The following PPP1R15B variants were observed in gnomAD, a reference collection of about 807,000 sequenced individuals.
PPP1R15B encodes protein phosphatase 1, regulatory (inhibitor) subunit 15B.
In PPP1R15B, 31 loss-of-function variants were observed where a neutral mutation model predicts 53.9. The ratio of observed to expected loss-of-function variants is 0.58; its 90% CI spans 0.43 to 0.78. The LOEUF (loss-of-function observed/expected upper bound fraction) is 0.78, where lower values mean the gene tolerates loss of function less well. Among genes scored for constraint, PPP1R15B ranks in the 30% least tolerant of loss-of-function variants. The pLI is 0.00. For synonymous variants in PPP1R15B, 345 were observed against 329.1 expected (o/e 1.05, Z -0.52); for missense variants, 928 against 849.6 (o/e 1.09, Z -1.15).
chr1:204,396,785 CAAG>C (rs780627259), downstream of PPP1R15B, among the ~76,000 whole-genome samples: 14 of 152,162 alleles, frequency 9.2e-5, no homozygotes, highest in South Asian at 2.9e-3. Flanking sequence ...TAATAAAAAA[CAAG>C]AAGTGGGTTG....
chr1:204,409,442 TATAA>T, intron 1 of PPP1R15B, 46 bp downstream of exon 1: 1 of 1,541,392 alleles, frequency 6.5e-7, no homozygotes, highest in Non-Finnish European at 8.7e-7. Context: ...TATTTAAGCA[TATAA>T]AAACAGTCAG....
At position 204,405,777 on chromosome 1, in the gene PPP1R15B, T is replaced by C; in HGVS notation, c.*315A>G. On this transcript the variant is annotated 3_prime_UTR_variant, in exon 2 of 2. Coordinates refer to ENST00000367188, the MANE Select transcript of PPP1R15B (RefSeq NM_032833.5). ...AATATTGTTTTCCAAGAAAATAAGT[T>C]TTGAAAGTGCAAAATGACAACTCAA... is the stretch of plus-strand genomic sequence containing the variant. 2 of 1,052,896 alleles carry C rather than the reference T, an allele frequency of 1.9e-6. No individual in the cohort carries two copies. Among genetic ancestry groups the C allele is most frequent in the South Asian group, 7.5e-5 (2 of 26,500 alleles). The allele number at this position is 1,052,896 out of a possible 1,614,324, so 65.2% of individuals were successfully genotyped here.
At chr1:204,399,897 G>C (rs566771913), downstream of PPP1R15B, among the ~76,000 whole-genome samples, 1 of 152,226 alleles carries the variant, frequency 6.6e-6, no homozygotes, top group Non-Finnish European at 1.5e-5. Context: ...ATCCAGATAA[G>C]TCTTTTTCAA....
chr1:204,395,980 C>T (rs1674096722), downstream of PPP1R15B, among the ~76,000 whole-genome samples: 1 of 151,884 alleles, frequency 6.6e-6, no homozygotes, highest in African/African-American at 2.4e-5. Flanking sequence ...AACAAGCCAA[C>T]TGTTTATTAT....
In PPP1R15B at chr1:204,403,895, TAATC is replaced by T. The variant is rs1380721300; in HGVS notation, c.*2193_*2196del. 1.9e-5 allele frequency: 19 copies of T among 985,550 alleles called. No homozygotes were observed. The highest frequency in any genetic ancestry group is 2.2e-5 in the Non-Finnish European group (18 of 829,896). 61.1% of individuals were successfully genotyped at this position (985,550 alleles called of 1,614,324 possible). A position where few individuals can be genotyped will look rare whatever the true frequency, so the allele number is the denominator to read the frequency against. On this transcript the variant is annotated 3_prime_UTR_variant, in exon 2 of 2. Coordinates refer to ENST00000367188, the MANE Select transcript of PPP1R15B (RefSeq NM_032833.5). ...GGAGGCTAGTATATGGAAGAACTCT[TAATC>T]AAGCTTTCACTCATTTGGTAGTGAG... is the stretch of plus-strand genomic sequence containing the variant.
downstream of PPP1R15B, among the ~76,000 whole-genome samples, chr1:204,396,056 G>T (rs1006012515): frequency 2.6e-5 from 4 of 151,946 alleles, no homozygotes; most frequent in African/African-American, 9.7e-5. Flanking sequence ...AAAAGGAATG[G>T]ACTACTGATA....
chr1:204,406,291 G>GT lies in PPP1R15B; in HGVS notation c.1942dup (p.Thr648AsnfsTer2). The GT allele has an allele frequency of 6.2e-7, 1 of 1,613,804 alleles. No homozygotes were observed. Among genetic ancestry groups the GT allele is most frequent in the Non-Finnish European group, 8.5e-7 (1 of 1,179,834 alleles). Reference sequence around the variant, plus strand: ...CTCATCACCACTTATATAATACTCAGTAACTTCTTCAAGGAAGGTTACCTA... The same window carrying GT: ...CTCATCACCACTTATATAATACTCAGTTAACTTCTTCAAGGAAGGTTACCTA... On this transcript the variant is annotated frameshift_variant, in exon 2 of 2. Transcript: ENST00000367188. LOFTEE classifies it high-confidence loss of function.
chr1:204,396,130 C>T (rs1030229468), downstream of PPP1R15B, among the ~76,000 whole-genome samples: 1 of 152,046 alleles, frequency 6.6e-6, no homozygotes, highest in South Asian at 2.1e-4. Flanking sequence ...AAAAGCATTA[C>T]AGTAAAGAAG....
In PPP1R15B at chr1:204,410,298, C is replaced by T. The variant is rs1420354174; in HGVS notation, c.1114G>A (p.Val372Ile). 3 of 1,614,002 alleles carry T rather than the reference C, an allele frequency of 1.9e-6. No individual in the cohort carries two copies. In the East Asian group the frequency reaches 6.7e-5, roughly 36 times the overall value. The change falls in exon 1 of 2, where the codon GTT becomes ATT. Residue 372 changes from valine (V) to isoleucine (I), a missense_variant. Transcript: ENST00000367188. ...CTCTCTTCTTCCAAAGCAAGTGGAA[C>T]CTCTGTAGTTAATAATTCTATTTTT... ...EEKIELLTTE[V>I]PLALEEESPS...
chr1:204,404,697 A>G lies in PPP1R15B; in HGVS notation c.*1395T>C, dbSNP rs1026711827. On this transcript the variant is annotated 3_prime_UTR_variant, in exon 2 of 2. Coordinates refer to ENST00000367188, the MANE Select transcript of PPP1R15B (RefSeq NM_032833.5). ...CACTTCTGATGAAAAATTCATCCCC[A>G]CACTTAAATAAGTTCAAAACTAAGA... 1.9e-5 allele frequency: 19 copies of G among 985,776 alleles called. No homozygotes were observed. The highest frequency in any genetic ancestry group is 1.8e-5 in the Non-Finnish European group (15 of 829,890). The allele number at this position is 985,776 out of a possible 1,614,324, so 61.1% of individuals were successfully genotyped here.
downstream of PPP1R15B, among the ~76,000 whole-genome samples, chr1:204,402,148 C>T (rs905031142): frequency 1.8e-4 from 28 of 152,224 alleles, no homozygotes; most frequent in African/African-American, 6.5e-4. Flanking sequence ...CCGGGGATGT[C>T]AACTCAGTTT....
At chr1:204,406,358 A>G (rs367582271) in intron 1 of PPP1R15B, 45 bp from the exon 2 acceptor site, 3 of 1,601,704 alleles carry the variant, frequency 1.9e-6, no homozygotes, top group Non-Finnish European at 2.6e-6. Context: ...AGGATCTTAC[A>G]ATCAGCATTG....
rs760822016 is a variant in PPP1R15B at position 204,406,305 on chromosome 1, G to A, written c.1929C>T (p.Phe643=). ...TATAATACTCAGTAACTTCTTCAAG[G>A]AAGGTTACCTACAAAAACAAAGACT... ...HTHVKRKKVT[F]LEEVTEYYIS... Residue 643 remains phenylalanine, a synonymous_variant, in exon 2 of 2, where the codon TTC becomes TTT. Transcript: ENST00000367188. The A allele has an allele frequency of 6.2e-7, 1 of 1,613,640 alleles. No homozygotes were observed. The highest frequency in any genetic ancestry group is 1.1e-5 in the South Asian group (1 of 91,070).
rs1674211215 is a variant in PPP1R15B, at chr1:204,403,442, CAAATAT to C, written c.*2644_*2649del. On this transcript the variant is annotated 3_prime_UTR_variant, in exon 2 of 2. Transcript: ENST00000367188. ...TTACAGATTAGTTATGTTATATACA[CAAATAT>C]AATTTTAACTATAAAATCCCAACTA... The C allele has an allele frequency of 2.6e-6, 2 of 767,016 alleles. No homozygotes were observed. The highest frequency in any genetic ancestry group is 1.3e-4 in the East Asian group (1 of 7,808). 47.5% of individuals were successfully genotyped at this position (767,016 alleles called of 1,614,324 possible). A position where few individuals can be genotyped will look rare whatever the true frequency, so the allele number is the denominator to read the frequency against.
chr1:204,402,353 TAAC>T (rs1674191677), downstream of PPP1R15B, among the ~76,000 whole-genome samples: 1 of 152,184 alleles, frequency 6.6e-6, no homozygotes, highest in South Asian at 2.1e-4. Context: ...TTTTTTCTGA[TAAC>T]ATTTATTCTT....
At position 204,404,165 on chromosome 1, in the gene PPP1R15B, T is replaced by C. The variant is rs1471901767; in HGVS notation, c.*1927A>G. The stretch of plus-strand genomic sequence containing the variant: ...TTGAAACTAGCCTGTTTTCATGTTA[T>C]TAGACCATCCTGTAAATGTGCTCCC... On this transcript the variant is annotated 3_prime_UTR_variant, in exon 2 of 2. Transcript: ENST00000367188. The C allele has an allele frequency of 6.1e-6, 6 of 985,418 alleles. No individual in the cohort carries two copies. Among genetic ancestry groups the C allele is most frequent in the East Asian group, 2.3e-4 (2 of 8,818 alleles). The allele number at this position is 985,418 out of a possible 1,614,324, so 61.0% of individuals were successfully genotyped here.
In PPP1R15B at chr1:204,411,416, T is replaced by G; in HGVS notation, c.-5A>C. 6.2e-7 allele frequency: 1 copy of G among 1,609,388 alleles called. No homozygotes were observed. The highest frequency in any genetic ancestry group is 8.5e-7 in the Non-Finnish European group (1 of 1,178,968). ...TCCGCCTGTCCCCGGCTCCATCTCCTTTTTCTTGACAGTCTCTCAGGTAGG... is the reference window on the plus strand; with the variant it reads ...TCCGCCTGTCCCCGGCTCCATCTCCGTTTTCTTGACAGTCTCTCAGGTAGG... On this transcript the variant is annotated 5_prime_UTR_variant, in exon 1 of 2. Transcript: ENST00000367188.
chr1:204,403,331 A>C, downstream of PPP1R15B: 1 of 559,798 alleles, frequency 1.8e-6, no homozygotes, highest in Non-Finnish European at 2.3e-6. Context: ...TTCCAAAACC[A>C]TTGTAAAATA....
In PPP1R15B at chr1:204,405,431, TG is replaced by T. The variant is rs1199645961; in HGVS notation, c.*660del. The T allele has an allele frequency of 1.0e-6, 1 of 984,816 alleles. No homozygotes were observed. Among genetic ancestry groups the T allele is most frequent in the African/African-American group, 1.7e-5 (1 of 57,176 alleles). 61.0% of individuals were successfully genotyped at this position (984,816 alleles called of 1,614,324 possible). On this transcript the variant is annotated 3_prime_UTR_variant, in exon 2 of 2. Transcript: ENST00000367188. Reference sequence around the variant, plus strand: ...CCAAAGTAGTAAAGTACTGCACATATGGGTTTTGTGGCAGTCCTTGGAAATA... The same window carrying T: ...CCAAAGTAGTAAAGTACTGCACATATGGTTTTGTGGCAGTCCTTGGAAATA...
Sources: allele counts gnomAD v4.1 joint callset (sites outside exome capture counted in the v4.1 genomes callset), GRCh38; gene constraint gnomAD v4.1.1; transcripts MANE v1.5; gene names NCBI Gene and HGNC (gene_info 2026-07-23, HGNC 2026-07-21).